Variants in AFF1 observed in about 807,000 individuals in gnomAD.
The protein encoded by AFF1 is ALF transcription elongation factor 1, also known as AF4/FMR2 family member 1.
Under a neutral mutation model 121.7 loss-of-function variants are expected in AFF1, and 48 were observed. The observed-to-expected ratio is 0.39, with a 90% CI of 0.31 to 0.50. The LOEUF is 0.50. Among genes scored for constraint, AFF1 ranks in the 20% least tolerant of loss-of-function variants. AFF1 has a pLI of 0.76. For synonymous variants in AFF1, 613 were observed against 563.0 expected, an observed-to-expected ratio of 1.09 and a Z score of -1.26; for missense variants, 1,523 against 1,511.7, an observed-to-expected ratio of 1.01 and a Z score of -0.12.
At chr4:87,114,341 A>T in intron 11 of AFF1, 26 bp from the exon 12 acceptor site, 1 of 1,564,480 alleles carries the variant, frequency 6.4e-7, no homozygotes, top group Non-Finnish European at 8.6e-7. Context: ...GTCAGTTAAC[A>T]CTTTTCTTTC....
rs546380302 is a variant in AFF1, at chr4:86,962,653, G to C, written c.38+14082G>C. On this transcript the variant is annotated intron_variant, in intron 2 of 20. Transcript: ENST00000395146. ...AACTCTGAAGCATTGTCTGGGACCAGCGCCTGGCACTGTATGTGAACTGTA... is the reference window on the plus strand; with the variant it reads ...AACTCTGAAGCATTGTCTGGGACCACCGCCTGGCACTGTATGTGAACTGTA... Among the ~76,000 whole-genome samples, 78 of 152,224 alleles carry C rather than the reference G, an allele frequency of 5.1e-4. 1 individual carries two copies. The East Asian group carries it at 0.01, about 20-fold the overall frequency.
chr4:87,031,580 T>C (rs994656652), intron 2 of AFF1, among the ~76,000 whole-genome samples: 1 of 152,188 alleles, frequency 6.6e-6, no homozygotes, highest in Non-Finnish European at 1.5e-5. Context: ...CTGTTCTCAT[T>C]CTGTGAGGCT....
At chr4:87,129,498 A>G (rs753728229) in intron 16 of AFF1, among the ~76,000 whole-genome samples, 2 of 152,218 alleles carry the variant, frequency 1.3e-5, no homozygotes, top group Non-Finnish European at 2.9e-5. Flanking sequence ...TAAAGCCAAT[A>G]TTAACTTTGG....
chr4:87,053,146 A>T (rs925520531), intron 4 of AFF1, among the ~76,000 whole-genome samples: 4 of 152,226 alleles, frequency 2.6e-5, no homozygotes, highest in Non-Finnish European at 5.9e-5. Context: ...GGGACCGAGC[A>T]TGTGTACCTA....
intron 12 of AFF1, among the ~76,000 whole-genome samples, chr4:87,124,171 TGTATTTAGCACTTTA>T (rs1307658308): frequency 6.6e-6 from 1 of 152,248 alleles, no homozygotes; most frequent in Non-Finnish European, 1.5e-5. Context: ...AGTGATTAAA[TGTATTTAGCACTTTA>T]GTTGGTATAA....
chr4:87,054,270 C>G (rs1731538349), intron 4 of AFF1, among the ~76,000 whole-genome samples: 1 of 152,200 alleles, frequency 6.6e-6, no homozygotes, highest in South Asian at 2.1e-4. Flanking sequence ...CCACAGGGAG[C>G]TACAGGGGCC....
intron 4 of AFF1, among the ~76,000 whole-genome samples, chr4:87,060,666 C>G (rs1390986796): frequency 6.6e-6 from 1 of 151,780 alleles, no homozygotes; most frequent in Non-Finnish European, 1.5e-5. Context: ...AGGTGAAACC[C>G]CATCTCTACT....
chr4:86,982,416 T>TTA (rs1723829989), intron 2 of AFF1, among the ~76,000 whole-genome samples: 1 of 95,200 alleles, frequency 1.1e-5, no homozygotes, highest in Non-Finnish European at 2.0e-5. Flanking sequence ...TTTTTTTTTT[T>TTA]TACAAAGTGC....
At chr4:87,127,515 T>C in intron 15 of AFF1, 128 bp from the exon 16 acceptor site, 1 of 809,620 alleles carries the variant, frequency 1.2e-6, no homozygotes. Context: ...TTTCCACTTC[T>C]CCTTCTTTGT....
At chr4:87,050,182 T>G (rs1464800341) in intron 4 of AFF1, among the ~76,000 whole-genome samples, 1 of 152,026 alleles carries the variant, frequency 6.6e-6, no homozygotes, top group Non-Finnish European at 1.5e-5. Flanking sequence ...CCTGGGTTAT[T>G]TTTGGGTTTG....
At chr4:87,034,890 G>A (rs369622336) in intron 2 of AFF1, among the ~76,000 whole-genome samples, 1 of 152,204 alleles carries the variant, frequency 6.6e-6, no homozygotes, top group African/African-American at 2.4e-5. Flanking sequence ...AGTAATGCTT[G>A]AATATAATTA....
intron 7 of AFF1, among the ~76,000 whole-genome samples, chr4:87,094,007 C>T (rs1454668207): frequency 6.6e-6 from 1 of 152,080 alleles, no homozygotes; most frequent in Non-Finnish European, 1.5e-5. Flanking sequence ...GTCTCATAGC[C>T]CAGCAAATAC....
chr4:87,046,116 G>A, intron 2 of AFF1, 50 bp from the exon 3 acceptor site: 1 of 1,604,872 alleles, frequency 6.2e-7, no homozygotes. Context: ...GACAAAACTT[G>A]GAGACTGATA....
Position 87,108,935 on chromosome 4 carries a change from A to G in AFF1, c.1533+620A>G, listed in dbSNP as rs542616199. Among the ~76,000 whole-genome samples, 3 of 152,346 alleles carry G rather than the reference A, an allele frequency of 2.0e-5. No homozygotes were observed. The South Asian group carries it at 6.2e-4, about 32-fold the overall frequency. On this transcript the variant is annotated intron_variant, in intron 11 of 20. Transcript: ENST00000395146. ...AGGAGAATATTGTAAAGACAAACTG[A>G]TAAGACTGAAAATCTTAGGCACTAA...
chr4:87,037,916 T>C (rs930470539), intron 2 of AFF1, among the ~76,000 whole-genome samples: 3 of 152,164 alleles, frequency 2.0e-5, no homozygotes, highest in Non-Finnish European at 4.4e-5. Flanking sequence ...CAAGAAGTTA[T>C]GTGGGCAGTG....
At chr4:86,961,747 C>T (rs1243672772) in intron 2 of AFF1, among the ~76,000 whole-genome samples, 6 of 151,838 alleles carry the variant, frequency 4.0e-5, no homozygotes, top group East Asian at 1.9e-4. Flanking sequence ...TTTTCATCGC[C>T]GTGGTGAGAT....
chr4:86,984,218 T>A (rs1315281483), intron 2 of AFF1, among the ~76,000 whole-genome samples: 3 of 152,184 alleles, frequency 2.0e-5, no homozygotes, highest in Non-Finnish European at 4.4e-5. Context: ...ATGATTAAGG[T>A]TGTTTGGCAC....
At chr4:87,105,982 C>A in intron 10 of AFF1, 137 bp downstream of exon 10, 1 of 1,121,220 alleles carries the variant, frequency 8.9e-7, no homozygotes, top group Non-Finnish European at 1.3e-6. Context: ...AGGAAAGTAC[C>A]TGTTTAATAT....
intron 2 of AFF1, among the ~76,000 whole-genome samples, chr4:87,005,369 T>G (rs1292017486): frequency 6.6e-6 from 1 of 152,234 alleles, no homozygotes; most frequent in Non-Finnish European, 1.5e-5. Context: ...TCTGATCTCA[T>G]CAGGAAAGTC....
Sources: allele counts gnomAD v4.1 joint callset (sites outside exome capture counted in the v4.1 genomes callset), GRCh38; gene constraint gnomAD v4.1.1; transcripts MANE v1.5; gene names NCBI Gene and HGNC (gene_info 2026-07-23, HGNC 2026-07-21).